NT5DC4: variants seen among roughly 807,000 people sequenced by gnomAD.
NT5DC4 encodes the protein 5'-nucleotidase domain-containing protein 4.
A neutral mutation model predicts 26.6 loss-of-function variants in NT5DC4; 44 were observed. The ratio of observed to expected loss-of-function variants is 1.65; its 90% CI spans 1.30 to 2.13. The LOEUF (loss-of-function observed/expected upper bound fraction) is 2.13. Ranked by LOEUF, NT5DC4 falls within the 30% of genes most tolerant of loss-of-function variation. NT5DC4 has a pLI of 0.00. For synonymous variants in NT5DC4, 157 were observed against 86.7 expected, an observed-to-expected ratio of 1.81 and a Z score of -4.51; for missense variants, 399 against 228.1, an observed-to-expected ratio of 1.75 and a Z score of -4.83.
Position 112,724,917 on chromosome 2 carries a change from C to G in NT5DC4, c.915+11C>G. On this transcript the variant is annotated intron_variant, in intron 11 of 16. Transcript: ENST00000688554. ...ATGGCAGGTGCAGAGGTCAGTCCAC[C>G]TGCACCCATGGACCACGGTTGGGGA... 2.8e-6 allele frequency: 2 copies of G among 716,580 alleles called. No homozygotes were observed. The highest frequency in any genetic ancestry group is 5.2e-6 in the Non-Finnish European group (2 of 384,924). 44.4% of individuals were successfully genotyped at this position (716,580 alleles called of 1,614,324 possible). A position where few individuals can be genotyped will look rare whatever the true frequency, so the allele number is the denominator to read the frequency against.
chr2:112,741,940 G>GTTTTTTTTTTT, downstream of NT5DC4, among the ~76,000 whole-genome samples: 1 of 71,900 alleles, frequency 1.4e-5, no homozygotes, highest in Non-Finnish European at 2.5e-5. Flanking sequence ...TTTCTTTTCT[G>GTTTTTTTTTTT]TTTTTTTTTT....
At chr2:112,737,537 T>C (rs1344099664) in intron 16 of NT5DC4, 1 of 152,232 alleles carries the variant, frequency 6.6e-6, no homozygotes, top group Non-Finnish European at 1.5e-5. Context: ...TTTGGAGAAA[T>C]GTCTGCTCAG....
chr2:112,719,021 G>T (rs1017346409), upstream of NT5DC4, among the ~76,000 whole-genome samples: 1 of 152,138 alleles, frequency 6.6e-6, no homozygotes, highest in African/African-American at 2.4e-5. Flanking sequence ...CAGTCATGCG[G>T]GGCTTGACCA....
At chr2:112,725,595 C>T in intron 13 of NT5DC4, 43 bp downstream of exon 13, 1 of 649,472 alleles carries the variant, frequency 1.5e-6, no homozygotes, top group Non-Finnish European at 2.9e-6. Context: ...GCACTGGCCT[C>T]CCATGCAGAG....
At chr2:112,720,779 A>G (rs553962252), upstream of NT5DC4, among the ~76,000 whole-genome samples, 1 of 152,212 alleles carries the variant, frequency 6.6e-6, no homozygotes, top group South Asian at 2.1e-4. Flanking sequence ...GTTCTCCGCT[A>G]CTCTCCAGGC....
At position 112,721,079 on chromosome 2, in the gene NT5DC4, G is replaced by T. The variant is rs774282539; in HGVS notation, c.-1G>T. Among the ~76,000 whole-genome samples, 1 of 152,144 alleles carries T rather than the reference G, an allele frequency of 6.6e-6. No individual in the cohort carries two copies. Among genetic ancestry groups the T allele is most frequent in the Non-Finnish European group, 1.5e-5 (1 of 68,026 alleles). On this transcript the variant is annotated 5_prime_UTR_variant, in exon 1 of 17. Coordinates refer to ENST00000688554, the MANE Select transcript of NT5DC4 (RefSeq NM_001393655.1). The stretch of plus-strand genomic sequence containing the variant: ...TTGCCTCCTCCTCACTCTGGGTGAC[G>T]ATGGCCAGTGTAGACTGGAGAGAGC...
chr2:112,723,371 A>ACT, intron 7 of NT5DC4, 47 bp from the exon 8 acceptor site: 1 of 706,332 alleles, frequency 1.4e-6, no homozygotes. Flanking sequence ...GCACACACAC[A>ACT]CACACACACA....
At chr2:112,721,728 C>T in intron 1 of NT5DC4, 90 bp from the exon 2 acceptor site, 1 of 716,498 alleles carries the variant, frequency 1.4e-6, no homozygotes, top group Non-Finnish European at 2.6e-6. Flanking sequence ...GCTCTGCCCT[C>T]CTCTGCGGGG....
At chr2:112,718,921 C>T (rs1198436568), upstream of NT5DC4, among the ~76,000 whole-genome samples, 5 of 152,202 alleles carry the variant, frequency 3.3e-5, no homozygotes, top group African/African-American at 1.2e-4. Context: ...TTCATGCATC[C>T]ACCCATCTCT....
intron 1 of NT5DC4, chr2:112,721,543 G>A (rs1489365368): frequency 1.4e-6 from 1 of 717,748 alleles, no homozygotes; most frequent in East Asian, 2.7e-5. Flanking sequence ...TAACATGCCT[G>A]CATGGTGGGA....
At chr2:112,729,483 C>T (rs540094621) in intron 15 of NT5DC4, 144 bp from the exon 16 acceptor site, 31 of 630,032 alleles carry the variant, frequency 4.9e-5, no homozygotes, top group Non-Finnish European at 8.8e-5. Context: ...CCCTGCTGAC[C>T]TTCCGAGGTT....
At chr2:112,741,821 C>T (rs895566578), downstream of NT5DC4, among the ~76,000 whole-genome samples, 2 of 151,616 alleles carry the variant, frequency 1.3e-5, no homozygotes, top group Non-Finnish European at 2.9e-5. Context: ...AGTGCAGTGG[C>T]GTGATCTTCA....
At chr2:112,728,710 C>T (rs1019865713) in intron 15 of NT5DC4, among the ~76,000 whole-genome samples, 4 of 152,136 alleles carry the variant, frequency 2.6e-5, no homozygotes, top group African/African-American at 4.8e-5. Context: ...TGCTTTTCAT[C>T]GATTATGCTT....
chr2:112,719,924 C>CTCT (rs1676693448), upstream of NT5DC4, among the ~76,000 whole-genome samples: 1 of 69,124 alleles, frequency 1.4e-5, no homozygotes, highest in East Asian at 4.7e-4. Flanking sequence ...TTCTTTCTTT[C>CTCT]TCTTTCTTTC....
chr2:112,719,329 A>G (rs189785198), upstream of NT5DC4, among the ~76,000 whole-genome samples: 9 of 152,258 alleles, frequency 5.9e-5, no homozygotes, highest in East Asian at 1.7e-3. Flanking sequence ...GTGCTTGCTC[A>G]CCTGGCTTTG....
intron 15 of NT5DC4, 116 bp downstream of exon 15, chr2:112,726,854 C>A: frequency 1.4e-6 from 1 of 691,182 alleles, no homozygotes; most frequent in Non-Finnish European, 2.7e-6. Context: ...TTACCCCATT[C>A]TCCTCAGCCT....
intron 11 of NT5DC4, 95 bp downstream of exon 11, chr2:112,725,001 C>T: frequency 1.5e-6 from 1 of 673,028 alleles, no homozygotes; most frequent in South Asian, 1.6e-5. Flanking sequence ...CTCTGCTGGC[C>T]TGTCTGTCCC....
chr2:112,741,054 A>G (rs1444791418), downstream of NT5DC4: 3 of 1,273,006 alleles, frequency 2.4e-6, no homozygotes, highest in South Asian at 2.5e-5. Flanking sequence ...CCAATTTAAT[A>G]CTTCAACTAG....
At chr2:112,738,633 T>TAA (rs2104836553) in intron 16 of NT5DC4, 2 of 595,298 alleles carry the variant, frequency 3.4e-6, no homozygotes, top group Non-Finnish European at 6.0e-6. Flanking sequence ...AAACTGGTCT[T>TAA]AAACACATAA....
Sources: gnomAD v4.1 joint callset for allele counts (sites outside exome capture counted in the v4.1 genomes callset) on GRCh38, gnomAD v4.1.1 for gene constraint, MANE v1.5 for transcripts, NCBI Gene and HGNC (gene_info 2026-07-23, HGNC 2026-07-21) for gene names.